GRID2IP: variants seen among roughly 807,000 people sequenced by gnomAD.
The protein encoded by GRID2IP is Grid2 interacting protein.
Under a neutral mutation model 114.3 loss-of-function variants are expected in GRID2IP, and 78 were observed. The observed-to-expected ratio is 0.68, with a 90% CI of 0.57 to 0.82. GRID2IP has a LOEUF of 0.82. GRID2IP is among the 40% of genes least tolerant of loss of function. The pLI is 0.00. For synonymous variants in GRID2IP, 809 were observed against 724.0 expected (o/e 1.12, Z -1.89); for missense variants, 1,727 against 1,678.5 (o/e 1.03, Z -0.51).
rs572892769 is a variant in GRID2IP at position 6,507,445 on chromosome 7, T to C, written c.2544+540A>G. On this transcript the variant is annotated intron_variant, in intron 13 of 21. Coordinates refer to ENST00000457091, the MANE Select transcript of GRID2IP (RefSeq NM_001145118.2). The surrounding 1 kb of genome is among the most constrained non-coding windows in gnomAD (Gnocchi z 5.3). ...CAGATTGGTTGGTCTGTGGATAAGA[T>C]TGCTCTGCCCGATTTTAAGGGCCAG... Among the ~76,000 whole-genome samples the C allele has an allele frequency of 6.6e-6, 1 of 151,168 alleles. No individual in the cohort carries two copies. Among genetic ancestry groups the C allele is most frequent in the South Asian group, 2.1e-4 (1 of 4,778 alleles).
intron 21 of GRID2IP, 103 bp downstream of exon 21, chr7:6,497,961 A>T: frequency 2.1e-6 from 3 of 1,409,906 alleles, no homozygotes; most frequent in Non-Finnish European, 2.9e-6. Flanking sequence ...CATGTCGCTC[A>T]CTGGAGCCCC....
chr7:6,511,636 G>C (rs971983032), intron 8 of GRID2IP, among the ~76,000 whole-genome samples: 10 of 152,096 alleles, frequency 6.6e-5, no homozygotes, highest in African/African-American at 1.7e-4. Context: ...GCCTCCCAAA[G>C]TGCTGGGATT....
intron 20 of GRID2IP, among the ~76,000 whole-genome samples, chr7:6,500,442 C>A (rs1786381526): frequency 1.3e-5 from 2 of 152,122 alleles, no homozygotes; most frequent in South Asian, 4.1e-4. Flanking sequence ...CCAGCCTGGG[C>A]AACAGAGCGA....
chr7:6,502,326 G>A (rs936812660), intron 18 of GRID2IP, among the ~76,000 whole-genome samples: 1 of 152,080 alleles, frequency 6.6e-6, no homozygotes, highest in Non-Finnish European at 1.5e-5. Flanking sequence ...CTAGGCTCAA[G>A]CGATCCTTCC....
chr7:6,527,760 A>ATTTTT lies in GRID2IP; in HGVS notation c.585-996_585-992dup, dbSNP rs111974045. Among the ~76,000 whole-genome samples the ATTTTT allele has an allele frequency of 9.1e-5, 13 of 142,290 alleles. No individual in the cohort carries two copies. The East Asian group carries it at 2.7e-3, about 29-fold the overall frequency. 93.3% of individuals were successfully genotyped at this position (142,290 alleles called of 152,430 possible). On this transcript the variant is annotated intron_variant, in intron 2 of 21. Transcript: ENST00000457091. ...ACTACAGGCACATGCCACCAGGCTA[A>ATTTTT]TTTTTTTTTTTTTTTTCAGACAGAG...
In GRID2IP at chr7:6,507,850, G is replaced by A. The variant is rs1006305330; in HGVS notation, c.2544+135C>T. The A allele has an allele frequency of 1.0e-5, 14 of 1,361,286 alleles. No homozygotes were observed. In the African/African-American group the frequency reaches 1.8e-4, roughly 17 times the overall value. The allele number at this position is 1,361,286 out of a possible 1,614,324, so 84.3% of individuals were successfully genotyped here. A position where few individuals can be genotyped will look rare whatever the true frequency, so the allele number is the denominator to read the frequency against. On this transcript the variant is annotated intron_variant, in intron 13 of 21. Transcript: ENST00000457091. This position sits in a 1 kb window ranked among gnomAD's most constrained non-coding sequence, Gnocchi z 5.3. ...CCAAGCGTGGGGACGTTCTTGGGCT[G>A]GGCCTCTACTCATCCTCTGCTTGGG...
Position 6,503,683 on chromosome 7 carries a change from G to A in GRID2IP, c.2715C>T (p.Ile905=), listed in dbSNP as rs987944144. The change falls in exon 16 of 22, where the codon ATC becomes ATT. Residue 905 remains isoleucine (I), a synonymous_variant. Transcript: ENST00000457091. ...LSHKKAYNTS[I]LLAHLKLSPA... ...GGCTCAGCTTCAGGTGTGCCAAGAG[G>A]ATGGCTGCGGGCGGGGCGGGGCGGT... The A allele has an allele frequency of 1.3e-4, 188 of 1,479,978 alleles. No individual in the cohort carries two copies. The highest frequency in any genetic ancestry group is 1.5e-4 in the Non-Finnish European group (168 of 1,120,718). 91.7% of individuals were successfully genotyped at this position (1,479,978 alleles called of 1,614,324 possible).
rs575068338 is a variant in GRID2IP, at chr7:6,520,397, T to C, written c.1268+181A>G. 1.3e-5 allele frequency among the ~76,000 whole-genome samples: 2 copies of C among 152,174 alleles called. No homozygotes were observed. The highest frequency in any genetic ancestry group is 1.3e-4 in the Admixed American group (2 of 15,278). ...GACTAGGAGGTGTCAGAGTCAGAGA[T>C]TGTTCCAGGGCAGCTCAATTGCCCA... is the stretch of plus-strand genomic sequence containing the variant. On this transcript the variant is annotated intron_variant, in intron 7 of 21. Transcript: ENST00000457091. The surrounding 1 kb of genome is among the most constrained non-coding windows in gnomAD (Gnocchi z 4.6).
At chr7:6,537,886 A>G (rs901568049) in intron 2 of GRID2IP, among the ~76,000 whole-genome samples, 6 of 151,928 alleles carry the variant, frequency 3.9e-5, no homozygotes, top group Admixed American at 3.9e-4. Context: ...GAAGAGCAGA[A>G]AGTGCACTGC....
At chr7:6,500,890 C>T (rs935697534) in intron 20 of GRID2IP, among the ~76,000 whole-genome samples, 1 of 152,216 alleles carries the variant, frequency 6.6e-6, no homozygotes, top group Non-Finnish European at 1.5e-5. Context: ...AATGTCCCAC[C>T]CTCCTGACTG....
chr7:6,509,094 C>T lies in GRID2IP; in HGVS notation c.1991G>A (p.Arg664His), dbSNP rs531551912. 8.3e-5 allele frequency: 36 copies of T among 436,252 alleles called. No homozygotes were observed. In the East Asian group the frequency reaches 8.3e-4, roughly 10 times the overall value. 27.0% of individuals were successfully genotyped at this position (436,252 alleles called of 1,614,324 possible). The change falls in exon 12 of 22, where the codon CGC becomes CAC. Residue 664 changes from arginine (R) to histidine (H), a missense_variant. Coordinates refer to ENST00000457091, the MANE Select transcript of GRID2IP (RefSeq NM_001145118.2). This position sits in a 1 kb window ranked among gnomAD's most constrained non-coding sequence, Gnocchi z 4.9. The stretch of plus-strand genomic sequence containing the variant: ...GTGGGAGAAGGTGAAGAGCTTCCTG[C>T]GGCTGGGCGGGCGGGTGGGGTCCGG... ...PSPDPTRPPS[R>H]RKLFTFSHPV...
chr7:6,517,012 C>T (rs1006729841), intron 7 of GRID2IP, among the ~76,000 whole-genome samples: 3 of 151,854 alleles, frequency 2.0e-5, no homozygotes, highest in Non-Finnish European at 4.4e-5. Context: ...AGTGGTCCCC[C>T]GGGCCCAGCT....
intron 7 of GRID2IP, among the ~76,000 whole-genome samples, chr7:6,517,437 C>T (rs1012765276): frequency 6.6e-6 from 1 of 152,122 alleles, no homozygotes; most frequent in African/African-American, 2.4e-5. Flanking sequence ...CTGGACCCTA[C>T]ACAAAACTAT....
Position 6,507,646 on chromosome 7 carries a change from G to A in GRID2IP, c.2544+339C>T, listed in dbSNP as rs1786634261. On this transcript the variant is annotated intron_variant, in intron 13 of 21. Transcript: ENST00000457091. The surrounding 1 kb of genome is among the most constrained non-coding windows in gnomAD (Gnocchi z 5.3). ...AGGGAGGAACTTCAAGCATCAAAGT[G>A]AAAGGGTGAAGGCTGGTGTGCAGGA... is the stretch of plus-strand genomic sequence containing the variant. Among the ~76,000 whole-genome samples the A allele has an allele frequency of 6.6e-6, 1 of 152,214 alleles. No homozygotes were observed. Among genetic ancestry groups the A allele is most frequent in the Non-Finnish European group, 1.5e-5 (1 of 68,044 alleles).
At chr7:6,502,351 A>G (rs1471580540) in intron 18 of GRID2IP, among the ~76,000 whole-genome samples, 1 of 152,026 alleles carries the variant, frequency 6.6e-6, no homozygotes, top group Non-Finnish European at 1.5e-5. Flanking sequence ...CAGTCTCCCA[A>G]GTAGCTTGGA....
chr7:6,503,655 C>T lies in GRID2IP; in HGVS notation c.2743G>A (p.Ala915Thr). ...CTCATCAGCACCTGGCGCAGCTCCG[C>T]GGGGCTCAGCTTCAGGTGTGCCAAG... ...ILLAHLKLSP[A>T]ELRQVLMSME... is the part of the protein sequence containing the mutation. The change falls in exon 16 of 22, where the codon GCG (alanine) becomes ACG (threonine). Residue 915 changes from alanine to threonine, a missense_variant. Ala to Thr is a moderately conservative substitution (Grantham distance 58). Coordinates refer to ENST00000457091, the MANE Select transcript of GRID2IP (RefSeq NM_001145118.2). 6.7e-7 allele frequency: 1 copy of T among 1,485,052 alleles called. No individual in the cohort carries two copies. The highest frequency in any genetic ancestry group is 8.9e-7 in the Non-Finnish European group (1 of 1,121,204). 92.0% of individuals were successfully genotyped at this position (1,485,052 alleles called of 1,614,324 possible).
At chr7:6,527,477 A>G (rs1367352435) in intron 2 of GRID2IP, among the ~76,000 whole-genome samples, 1 of 152,200 alleles carries the variant, frequency 6.6e-6, no homozygotes, top group East Asian at 1.9e-4. Context: ...ACTGGCGTTC[A>G]AAGCTAAAGG....
At chr7:6,549,867 G>A in intron 1 of GRID2IP, among the ~76,000 whole-genome samples, 1 of 151,652 alleles carries the variant, frequency 6.6e-6, no homozygotes, top group East Asian at 1.9e-4. Context: ...CTGAGTTCAA[G>A]TCATCAGCCC....
Position 6,516,635 on chromosome 7 carries a change from C to T in GRID2IP, c.1269-2106G>A, listed in dbSNP as rs991121890. ...TCTGCTCCACCACTGCTTGCCCGCC[C>T]GCAGCCACCCAGAGGCCTAACGCTG... On this transcript the variant is annotated intron_variant, in intron 7 of 21. Transcript: ENST00000457091. The surrounding 1 kb of genome is among the most constrained non-coding windows in gnomAD (Gnocchi z 4.3). Among the ~76,000 whole-genome samples the T allele has an allele frequency of 3.3e-5, 5 of 152,086 alleles. No homozygotes were observed. Among genetic ancestry groups the T allele is most frequent in the Non-Finnish European group, 5.9e-5 (4 of 68,026 alleles).
Sources: gnomAD v4.1 joint callset for allele counts (sites outside exome capture counted in the v4.1 genomes callset) on GRCh38, gnomAD v4.1.1 for gene constraint, Gnocchi (gnomAD v3.1) non-coding constraint, MANE v1.5 for transcripts, NCBI Gene and HGNC (gene_info 2026-07-23, HGNC 2026-07-21) for gene names.